Variants in EDA observed in about 807,000 individuals in gnomAD.
The protein encoded by EDA is ectodysplasin A.
A neutral mutation model predicts 23.6 loss-of-function variants in EDA; 2 were observed. The observed-to-expected ratio is 0.08, with a 90% CI of 0.03 to 0.27. The LOEUF is 0.27. Ranked by LOEUF, EDA falls within the 10% of genes least tolerant of loss-of-function variation. EDA has a pLI of 1.00. For synonymous variants in EDA, 131 were observed against 132.0 expected (o/e 0.99, Z 0.05); for missense variants, 229 against 324.2 (o/e 0.71, Z 2.26).
At chrX:69,828,982 A>G (rs1330539972) in intron 1 of EDA, among the ~76,000 whole-genome samples, 2 of 112,409 alleles carry the variant, frequency 1.8e-5, no homozygotes, top group African/African-American at 6.5e-5. Context: ...CGTTTCAGAA[A>G]GGGATTCCCT....
intron 2 of EDA, among the ~76,000 whole-genome samples, chrX:70,017,523 C>T (rs1187070980): frequency 8.9e-6 from 1 of 112,139 alleles, no homozygotes; most frequent in Non-Finnish European, 1.9e-5. Flanking sequence ...GGCTTTATCC[C>T]TGGAATGCAA....
In EDA at chrX:69,616,174, G is replaced by T; in HGVS notation, c.-135G>T. 1.5e-6 allele frequency: 1 copy of T among 678,636 alleles called. No homozygotes were observed. Among genetic ancestry groups the T allele is most frequent in the African/African-American group, 2.2e-5 (1 of 45,812 alleles). The allele number at this position is 678,636 out of a possible 1,213,427, so 55.9% of individuals were successfully genotyped here. On this transcript the variant is annotated 5_prime_UTR_variant, in exon 1 of 8. Transcript: ENST00000374552. ...GCTGCTCCCTGCTCCGTCCCGCCCA[G>T]CCACTGTCGCGCAGGAACGGGTCCC...
At chrX:69,800,653 C>T (rs2015662175) in intron 1 of EDA, among the ~76,000 whole-genome samples, 1 of 111,766 alleles carries the variant, frequency 8.9e-6, no homozygotes, top group African/African-American at 3.2e-5. Flanking sequence ...AGTATCTGAA[C>T]TTCTATCAGC....
intron 1 of EDA, among the ~76,000 whole-genome samples, chrX:69,695,104 G>C (rs1292442822): frequency 9.0e-6 from 1 of 111,547 alleles, no homozygotes; most frequent in Non-Finnish European, 1.9e-5. Flanking sequence ...TGGATTGCTT[G>C]AACTCATGAG....
chrX:69,721,496 G>A (rs1054692096), intron 1 of EDA, among the ~76,000 whole-genome samples: 1 of 111,521 alleles, frequency 9.0e-6, no homozygotes, highest in African/African-American at 3.3e-5. Flanking sequence ...TATGTCTTGG[G>A]GGCAAAGGGA....
intron 1 of EDA, among the ~76,000 whole-genome samples, chrX:69,911,126 T>C (rs1334821133): frequency 8.9e-6 from 1 of 112,175 alleles, no homozygotes; most frequent in Non-Finnish European, 1.9e-5. Context: ...TTAACTTGGC[T>C]GAACTCAAAT....
rs1400930908 is a variant in EDA, at chrX:69,790,529, C to T, written c.397-166498C>T. ...TGAAATACCCTGCTACTAAGAGTTC[C>T]TAAATATATGCAGTATGCATACCTT... On this transcript the variant is annotated intron_variant, in intron 1 of 7. Transcript: ENST00000374552. Among the ~76,000 whole-genome samples the T allele has an allele frequency of 2.7e-5, 3 of 111,710 alleles. No individual in the cohort carries two copies. The Admixed American group carries it at 2.9e-4, about 11-fold the overall frequency.
At chrX:69,791,954 T>A (rs1006827763) in intron 1 of EDA, among the ~76,000 whole-genome samples, 2 of 112,521 alleles carry the variant, frequency 1.8e-5, no homozygotes, top group African/African-American at 6.5e-5. Context: ...AATTGTATTT[T>A]AAAAATTTTT....
chrX:69,638,309 A>G (rs933651437), intron 1 of EDA, among the ~76,000 whole-genome samples: 7 of 112,220 alleles, frequency 6.2e-5, no homozygotes, highest in Admixed American at 9.5e-5. Context: ...GGTCCATGAC[A>G]TACAAGCAAG....
chrX:69,942,181 G>T (rs745528485), intron 1 of EDA, among the ~76,000 whole-genome samples: 19 of 110,903 alleles, frequency 1.7e-4, no homozygotes, highest in Non-Finnish European at 3.4e-4. Context: ...ATTTTTTATT[G>T]GTTCTTCATT....
At chrX:69,860,770 C>A (rs2017366264) in intron 1 of EDA, 5 of 509,632 alleles carry the variant, frequency 9.8e-6, no homozygotes, top group Non-Finnish European at 1.8e-5. Context: ...TGAATATTGG[C>A]TTCTCTAGTT....
At chrX:70,013,550 A>G (rs1320350159) in intron 2 of EDA, among the ~76,000 whole-genome samples, 2 of 110,215 alleles carry the variant, frequency 1.8e-5, no homozygotes, top group Non-Finnish European at 3.8e-5. Context: ...TAAGGGCTTT[A>G]CTTATACTTC....
intron 1 of EDA, among the ~76,000 whole-genome samples, chrX:69,767,248 A>G: frequency 9.0e-6 from 1 of 111,677 alleles, no homozygotes; most frequent in South Asian, 3.8e-4. Flanking sequence ...TTGACATACA[A>G]TTAAGTACAT....
At chrX:69,759,193 G>A (rs1474938794) in intron 1 of EDA, among the ~76,000 whole-genome samples, 2 of 111,757 alleles carry the variant, frequency 1.8e-5, no homozygotes, top group Non-Finnish European at 3.8e-5. Flanking sequence ...ATGATAGCTG[G>A]GATATACTCA....
At chrX:69,792,480 T>C (rs1320625008) in intron 1 of EDA, among the ~76,000 whole-genome samples, 1 of 112,178 alleles carries the variant, frequency 8.9e-6, no homozygotes, top group Non-Finnish European at 1.9e-5. Context: ...TTTGGGTATA[T>C]ACCCAGTAGT....
intron 1 of EDA, among the ~76,000 whole-genome samples, chrX:69,931,420 A>G (rs2018596805): frequency 9.0e-6 from 1 of 111,728 alleles, no homozygotes; most frequent in Non-Finnish European, 1.9e-5. Flanking sequence ...AATGGTGGAT[A>G]TCTGTAATCC....
intron 2 of EDA, among the ~76,000 whole-genome samples, chrX:70,014,258 C>T (rs996644822): frequency 1.8e-5 from 2 of 112,978 alleles, no homozygotes; most frequent in African/African-American, 6.4e-5. Flanking sequence ...GGGCAAGAGC[C>T]TGCCTACTGG....
intron 1 of EDA, among the ~76,000 whole-genome samples, chrX:69,923,932 G>C (rs763119964): frequency 9.0e-6 from 1 of 111,651 alleles, no homozygotes; most frequent in East Asian, 2.8e-4. Flanking sequence ...GTGATGTTGA[G>C]CTTTTTTTCA....
intron 1 of EDA, among the ~76,000 whole-genome samples, chrX:69,750,570 T>C (rs1408816961): frequency 1.8e-5 from 2 of 111,230 alleles, no homozygotes; most frequent in Admixed American, 1.9e-4. Context: ...ATGGCATTTC[T>C]AGTTCTAGAT....
Sources: allele counts gnomAD v4.1 joint callset (sites outside exome capture counted in the v4.1 genomes callset), GRCh38; gene constraint gnomAD v4.1.1; transcripts MANE v1.5; gene names NCBI Gene and HGNC (gene_info 2026-07-23, HGNC 2026-07-21).